Variants in CHRM3 observed in about 807,000 individuals in gnomAD.
The protein encoded by CHRM3 is muscarinic acetylcholine receptor M3.
CHRM3 carries 11 observed loss-of-function variants against 41.8 expected under a neutral mutation model. The observed-to-expected ratio is 0.26, with a 90% CI of 0.17 to 0.44. The LOEUF (loss-of-function observed/expected upper bound fraction) is 0.44, where lower values mean the gene tolerates loss of function less well. CHRM3 is among the 20% of genes least tolerant of loss of function. The pLI is 1.00. For synonymous variants in CHRM3, 297 were observed against 301.4 expected, an observed-to-expected ratio of 0.99 and a Z score of 0.15; for missense variants, 571 against 745.4, an observed-to-expected ratio of 0.77 and a Z score of 2.72.
chr1:239,739,529 A>T (rs922435812), intron 5 of CHRM3, among the ~76,000 whole-genome samples: 1 of 152,160 alleles, frequency 6.6e-6, no homozygotes, highest in Admixed American at 6.5e-5. Flanking sequence ...CTGAATGAAG[A>T]TGGTGAATAC....
rs1680587579 is a variant in CHRM3 at position 239,915,339 on chromosome 1, GAA to G, written c.*6119_*6120del. 1.8e-5 allele frequency: 3 copies of G among 167,088 alleles called. No homozygotes were observed. The Admixed American group carries it at 2.0e-4, about 11-fold the overall frequency. The allele number at this position is 167,088 out of a possible 1,614,324, so 10.4% of individuals were successfully genotyped here. On this transcript the variant is annotated 3_prime_UTR_variant, in exon 7 of 7. Coordinates refer to ENST00000676153, the MANE Select transcript of CHRM3 (RefSeq NM_001375978.1). ...ACAAACCATGTTCATTTTTAATCTT[GAA>G]AAAGTCAATCGTCTGTAGTCTGTAC...
intron 4 of CHRM3, among the ~76,000 whole-genome samples, chr1:239,641,253 T>C (rs2148920134): frequency 6.6e-6 from 1 of 152,042 alleles, no homozygotes; most frequent in Admixed American, 6.6e-5. Context: ...TGATTTGGGG[T>C]GGAGAGTTCT....
chr1:239,548,369 C>G (rs1045758373), intron 3 of CHRM3, among the ~76,000 whole-genome samples: 1 of 152,186 alleles, frequency 6.6e-6, no homozygotes, highest in Non-Finnish European at 1.5e-5. Flanking sequence ...TCCTTATAAA[C>G]CATCTAAAAC....
chr1:239,880,505 T>C (rs1677496383), intron 6 of CHRM3, among the ~76,000 whole-genome samples: 1 of 152,182 alleles, frequency 6.6e-6, no homozygotes, highest in South Asian at 2.1e-4. Context: ...TTTGTTTGGT[T>C]TTGTTTTAGA....
chr1:239,490,377 G>C (rs951366094), intron 1 of CHRM3, among the ~76,000 whole-genome samples: 28 of 152,182 alleles, frequency 1.8e-4, no homozygotes, highest in African/African-American at 6.7e-4. Flanking sequence ...AGCAAACAAA[G>C]GTCAAGTCTC....
At chr1:239,405,814 T>C (rs974249637) in intron 1 of CHRM3, among the ~76,000 whole-genome samples, 1 of 152,212 alleles carries the variant, frequency 6.6e-6, no homozygotes, top group African/African-American at 2.4e-5. Flanking sequence ...GTTTTAAATA[T>C]GACCATTCTT....
At position 239,909,257 on chromosome 1, in the gene CHRM3, C is replaced by T; in HGVS notation, c.*33C>T. 5 of 1,565,142 alleles carry T rather than the reference C, an allele frequency of 3.2e-6. No homozygotes were observed. The highest frequency in any genetic ancestry group is 4.3e-6 in the Non-Finnish European group (5 of 1,155,698). ...TTGTATCAATAGCAGTGACAAAACGCACACATCAACCCACAGACCTTAGGA... is the reference window on the plus strand; with the variant it reads ...TTGTATCAATAGCAGTGACAAAACGTACACATCAACCCACAGACCTTAGGA... On this transcript the variant is annotated 3_prime_UTR_variant, in exon 7 of 7. Transcript: ENST00000676153.
intron 1 of CHRM3, among the ~76,000 whole-genome samples, chr1:239,445,205 T>C (rs1455898479): frequency 6.6e-6 from 1 of 152,226 alleles, no homozygotes; most frequent in African/African-American, 2.4e-5. Context: ...TGGGCAATGC[T>C]AGCTGGTCTA....
chr1:239,548,973 T>TA (rs1274603163), intron 3 of CHRM3, among the ~76,000 whole-genome samples: 2 of 152,176 alleles, frequency 1.3e-5, no homozygotes, highest in African/African-American at 4.8e-5. Context: ...TTAATGAACT[T>TA]ACGGTTCTAT....
In CHRM3 at chr1:239,518,734, C is replaced by T. The variant is rs557004073; in HGVS notation, c.-422+25927C>T. Among the ~76,000 whole-genome samples the T allele has an allele frequency of 7.9e-5, 12 of 152,240 alleles. No individual in the cohort carries two copies. The South Asian group carries it at 8.3e-4, about 11-fold the overall frequency. ...GGAAAGTTTGTGGGCGGTAGTTGCA[C>T]GTGAAATCTCCTTGTCTGAAAGACA... On this transcript the variant is annotated intron_variant, in intron 2 of 6. Transcript: ENST00000676153.
At chr1:239,430,156 C>A (rs1408858445) in intron 1 of CHRM3, among the ~76,000 whole-genome samples, 1 of 151,604 alleles carries the variant, frequency 6.6e-6, no homozygotes, top group African/African-American at 2.4e-5. Context: ...TTAGTAGAGA[C>A]GGGGTTTCAC....
intron 1 of CHRM3, among the ~76,000 whole-genome samples, chr1:239,487,507 C>T (rs1306660900): frequency 6.6e-6 from 1 of 151,990 alleles, no homozygotes; most frequent in Admixed American, 6.6e-5. Flanking sequence ...AGGAGAAGTT[C>T]AGTCAGAAAC....
At chr1:239,390,070 T>C (rs1306048988) in intron 1 of CHRM3, among the ~76,000 whole-genome samples, 1 of 152,200 alleles carries the variant, frequency 6.6e-6, no homozygotes, top group Non-Finnish European at 1.5e-5. Flanking sequence ...GGAGGATCAG[T>C]GAGTAACTAG....
rs1680185916 is a variant in CHRM3, at chr1:239,908,834, C to T, written c.1383C>T (p.Ala461=). 6.2e-7 allele frequency: 1 copy of T among 1,613,994 alleles called. No individual in the cohort carries two copies. Among genetic ancestry groups the T allele is most frequent in the African/African-American group, 1.3e-5 (1 of 74,900 alleles). The change falls in exon 7 of 7, where the codon GCC becomes GCT. Residue 461 remains alanine (A), a synonymous_variant. Coordinates refer to ENST00000676153, the MANE Select transcript of CHRM3 (RefSeq NM_001375978.1). The surrounding 1 kb of genome is among the most constrained non-coding windows in gnomAD (Gnocchi z 7.2). ...TATLPLSFKE[A]TLAKRFALKT... is the part of the protein sequence containing the mutation. ...CTCTACCTCTGTCCTTCAAGGAAGC[C>T]ACTCTGGCCAAGAGGTTTGCTCTGA...
At position 239,908,669 on chromosome 1, in the gene CHRM3, C is replaced by A. The variant is rs200422713; in HGVS notation, c.1218C>A (p.Asp406Glu). 16 of 1,612,946 alleles carry A rather than the reference C, an allele frequency of 9.9e-6. No individual in the cohort carries two copies. Among genetic ancestry groups the A allele is most frequent in the African/African-American group, 1.3e-5 (1 of 75,036 alleles). ...TGGTGGACTTGGAGAGGAAAGCCGA[C>A]AAGCTGCAGGCCCAGAAGAGCGTGG... ...LGMVDLERKADKLQAQKSVDD... is the reference protein window; with the variant it reads ...LGMVDLERKAEKLQAQKSVDD... The change falls in exon 7 of 7, where the codon GAC (aspartate) becomes GAA (glutamate). Residue 406 changes from aspartate (D) to glutamate (E), a missense_variant. Asp to Glu is a conservative substitution (Grantham distance 45). Transcript: ENST00000676153. This position sits in a 1 kb window ranked among gnomAD's most constrained non-coding sequence, Gnocchi z 7.2.
intron 6 of CHRM3, among the ~76,000 whole-genome samples, chr1:239,830,152 G>T (rs963194230): frequency 7.2e-5 from 11 of 151,970 alleles, no homozygotes; most frequent in Non-Finnish European, 2.9e-5. Context: ...TCATTTAGTG[G>T]GCCTAAGTAT....
chr1:239,544,723 T>C (rs1016625853), intron 2 of CHRM3, among the ~76,000 whole-genome samples: 5 of 152,244 alleles, frequency 3.3e-5, no homozygotes, highest in Non-Finnish European at 7.3e-5. Context: ...GATCTCACTT[T>C]ATATCTATCT....
intron 3 of CHRM3, among the ~76,000 whole-genome samples, chr1:239,616,678 C>G (rs1667671216): frequency 6.6e-6 from 1 of 152,026 alleles, no homozygotes; most frequent in East Asian, 1.9e-4. Flanking sequence ...AATTATAATT[C>G]ATCACATCAA....
At chr1:239,616,620 C>T (rs985039938) in intron 3 of CHRM3, among the ~76,000 whole-genome samples, 13 of 152,140 alleles carry the variant, frequency 8.5e-5, no homozygotes, top group African/African-American at 3.1e-4. Context: ...TTTGCCGTAC[C>T]AGCAGTATTA....
Sources: allele counts gnomAD v4.1 joint callset (sites outside exome capture counted in the v4.1 genomes callset), GRCh38; gene constraint gnomAD v4.1.1; non-coding constraint Gnocchi (gnomAD v3.1); transcripts MANE v1.5; gene names NCBI Gene and HGNC (gene_info 2026-07-23, HGNC 2026-07-21).